The following SENP6 variants were observed in gnomAD, a reference collection of about 807,000 sequenced individuals.
SENP6 encodes the protein SUMO specific peptidase 6.
SENP6 carries 41 observed loss-of-function variants against 134.5 expected under a neutral mutation model. The observed-to-expected ratio is 0.30, with a 90% CI of 0.24 to 0.40. SENP6 has a LOEUF of 0.40. Among genes scored for constraint, SENP6 ranks in the 10% least tolerant of loss-of-function variants. SENP6 has a pLI of 1.00. For missense variants in SENP6, 1,248 were observed against 1,312.5 expected (o/e 0.95, Z 0.76); for synonymous variants, 395 against 429.8 (o/e 0.92, Z 1.00).
intron 16 of SENP6, among the ~76,000 whole-genome samples, chr6:75,693,305 T>C (rs1244235634): frequency 6.6e-6 from 1 of 150,782 alleles, no homozygotes; most frequent in African/African-American, 2.4e-5. Flanking sequence ...CTCAGGAGGC[T>C]GAGGCAGGAG....
At chr6:75,616,745 CAAAAAAA>C (rs1227499332) in intron 1 of SENP6, among the ~76,000 whole-genome samples, 2 of 59,010 alleles carry the variant, frequency 3.4e-5, no homozygotes, top group African/African-American at 1.3e-4. Context: ...GACTCCATCT[CAAAAAAA>C]AAAAAAAAAA....
chr6:75,634,274 T>G (rs901176040), intron 4 of SENP6, among the ~76,000 whole-genome samples: 6 of 152,136 alleles, frequency 3.9e-5, no homozygotes, highest in African/African-American at 1.4e-4. Context: ...AAATAGTATT[T>G]AGGACTCCTG....
chr6:75,657,882 A>T (rs1222598544), intron 7 of SENP6, among the ~76,000 whole-genome samples: 1 of 152,200 alleles, frequency 6.6e-6, no homozygotes, highest in African/African-American at 2.4e-5. Flanking sequence ...AAGAGAGAAC[A>T]CATGAAGAAA....
chr6:75,630,465 A>G (rs1211154093), intron 3 of SENP6, among the ~76,000 whole-genome samples: 2 of 152,216 alleles, frequency 1.3e-5, no homozygotes, highest in Non-Finnish European at 2.9e-5. Context: ...AGGGGCTATG[A>G]CTGAAGTCCC....
chr6:75,630,321 C>T (rs191359247), intron 3 of SENP6, among the ~76,000 whole-genome samples: 49 of 152,210 alleles, frequency 3.2e-4, no homozygotes, highest in Non-Finnish European at 4.1e-4. Context: ...CCATCAGCCT[C>T]GACCTCCCAA....
Position 75,677,027 on chromosome 6 carries a change from C to A in SENP6, c.1622-3C>A. 7.4e-7 allele frequency: 1 copy of A among 1,357,022 alleles called. No homozygotes were observed. The highest frequency in any genetic ancestry group is 1.0e-6 in the Non-Finnish European group (1 of 974,766). The allele number at this position is 1,357,022 out of a possible 1,614,324, so 84.1% of individuals were successfully genotyped here. ...TTTTGGACTTATATTTATTTCTTTT[C>A]AGATTTAGAAGAACAATATATAATT... On this transcript the variant is annotated splice_polypyrimidine_tract_variant and splice_region_variant and intron_variant, in intron 13 of 23. Transcript: ENST00000447266.
chr6:75,696,371 A>C (rs2149895242), intron 17 of SENP6, among the ~76,000 whole-genome samples: 1 of 152,310 alleles, frequency 6.6e-6, no homozygotes, highest in South Asian at 2.1e-4. Flanking sequence ...CTAGATGTTC[A>C]TCCATAATAT....
chr6:75,693,237 TA>T (rs567129122), intron 16 of SENP6, among the ~76,000 whole-genome samples: 28 of 146,612 alleles, frequency 1.9e-4, no homozygotes, highest in African/African-American at 2.3e-4. Context: ...TGGCCTCTAC[TA>T]AAAAAAAAAT....
intron 2 of SENP6, among the ~76,000 whole-genome samples, chr6:75,622,309 A>G (rs1316430131): frequency 2.0e-5 from 3 of 152,268 alleles, no homozygotes; most frequent in East Asian, 1.9e-4. Context: ...TGTAATCCCA[A>G]CACTTTGGAA....
chr6:75,689,445 TTGA>T (rs1582866410), intron 16 of SENP6, among the ~76,000 whole-genome samples: 1 of 151,730 alleles, frequency 6.6e-6, no homozygotes, highest in East Asian at 1.9e-4. Context: ...AAAATAAGTG[TTGA>T]TGAGGATGTG....
chr6:75,715,282 T>A lies in SENP6; in HGVS notation c.3130-103T>A. The A allele has an allele frequency of 4.9e-6, 4 of 816,198 alleles. No individual in the cohort carries two copies. The East Asian group carries it at 9.7e-5, about 20-fold the overall frequency. The allele number at this position is 816,198 out of a possible 1,614,324, so 50.6% of individuals were successfully genotyped here. Reference sequence around the variant, plus strand: ...AGATAATACAGAAATACATATTGAATGCGTTGTTGGGTTTTCTTATTTTTA... The same window carrying A: ...AGATAATACAGAAATACATATTGAAAGCGTTGTTGGGTTTTCTTATTTTTA... On this transcript the variant is annotated intron_variant, in intron 23 of 23. Transcript: ENST00000447266.
intron 20 of SENP6, among the ~76,000 whole-genome samples, chr6:75,710,757 A>C (rs766854901): frequency 2.6e-5 from 4 of 152,284 alleles, no homozygotes; most frequent in South Asian, 2.1e-4. Context: ...TTTCTCAAAG[A>C]ACAACAATGA....
At chr6:75,611,659 A>G (rs529236751) in intron 1 of SENP6, 1 of 152,352 alleles carries the variant, frequency 6.6e-6, no homozygotes, top group East Asian at 1.9e-4. Context: ...TTCTGGCTTT[A>G]GAAGTTTGTG....
chr6:75,654,419 A>T (rs1458785020), intron 7 of SENP6, among the ~76,000 whole-genome samples: 11 of 152,244 alleles, frequency 7.2e-5, no homozygotes, highest in Non-Finnish European at 2.9e-5. Flanking sequence ...GGATAGCCAG[A>T]GTTGAAGCCA....
chr6:75,641,967 A>G (rs1450293043), intron 6 of SENP6, among the ~76,000 whole-genome samples: 1 of 152,066 alleles, frequency 6.6e-6, no homozygotes, highest in South Asian at 2.1e-4. Flanking sequence ...TGACATTTGT[A>G]CATCAGCTGA....
chr6:75,607,832 A>T (rs1178207356), intron 1 of SENP6, among the ~76,000 whole-genome samples: 4 of 152,168 alleles, frequency 2.6e-5, no homozygotes, highest in Non-Finnish European at 5.9e-5. Context: ...TGTTATATAT[A>T]AACTCATTGC....
intron 16 of SENP6, among the ~76,000 whole-genome samples, chr6:75,695,539 C>T (rs1362074802): frequency 6.6e-6 from 1 of 152,066 alleles, no homozygotes; most frequent in African/African-American, 2.4e-5. Context: ...GAGTTCGAGA[C>T]CAGCCTGACC....
At chr6:75,688,125 G>C (rs62415593) in intron 16 of SENP6, among the ~76,000 whole-genome samples, 1 of 152,060 alleles carries the variant, frequency 6.6e-6, no homozygotes, top group African/African-American at 2.4e-5. Flanking sequence ...CCCCAGTCAG[G>C]CTCCTGTCTC....
Position 75,640,693 on chromosome 6 carries a change from C to A in SENP6, c.468C>A (p.Asp156Glu). Reference protein sequence around the residue: ...VVKTAAQSSLDRKERKEYPPH... With the variant: ...VVKTAAQSSLERKERKEYPPH... ...TTTTTCATGTTTTAAGCAGTCTGGA[C>A]CGAAAAGAAAGGTAAGCTTAATATT... The change falls in exon 6 of 24, where the codon GAC (aspartate) becomes GAA (glutamate). Residue 156 changes from aspartate (D) to glutamate (E), a missense_variant. Transcript: ENST00000447266. The A allele has an allele frequency of 6.6e-7, 1 of 1,521,084 alleles. No individual in the cohort carries two copies. Among genetic ancestry groups the A allele is most frequent in the Non-Finnish European group, 8.9e-7 (1 of 1,127,046 alleles). 94.2% of individuals were successfully genotyped at this position (1,521,084 alleles called of 1,614,324 possible). A position where few individuals can be genotyped will look rare whatever the true frequency, so the allele number is the denominator to read the frequency against.
Sources: gnomAD v4.1 joint callset for allele counts (sites outside exome capture counted in the v4.1 genomes callset) on GRCh38, gnomAD v4.1.1 for gene constraint, MANE v1.5 for transcripts, NCBI Gene and HGNC (gene_info 2026-07-23, HGNC 2026-07-21) for gene names.